KDM3B: variants seen among roughly 807,000 people sequenced by gnomAD.
KDM3B encodes lysine demethylase 3B.
KDM3B carries 10 observed loss-of-function variants against 170.0 expected under a neutral mutation model. That is an observed-to-expected ratio of 0.06 (90% confidence interval 0.04 to 0.10). The LOEUF (loss-of-function observed/expected upper bound fraction) is 0.10, where lower values mean the gene tolerates loss of function less well. KDM3B is among the 10% of genes least tolerant of loss of function. KDM3B has a pLI of 1.00. For missense variants in KDM3B, 1,394 were observed against 2,195.2 expected, an observed-to-expected ratio of 0.64 and a Z score of 7.29; for synonymous variants, 831 against 834.8, an observed-to-expected ratio of 1.00 and a Z score of 0.08.
intron 7 of KDM3B, among the ~76,000 whole-genome samples, chr5:138,388,727 A>G (rs1442130662): frequency 1.3e-5 from 2 of 151,188 alleles, no homozygotes; most frequent in African/African-American, 4.9e-5. Flanking sequence ...CAGGAGAATC[A>G]CTTGAACCTG....
At chr5:138,425,041 C>T (rs1017996763) in intron 16 of KDM3B, among the ~76,000 whole-genome samples, 2 of 152,194 alleles carry the variant, frequency 1.3e-5, no homozygotes, top group Non-Finnish European at 1.5e-5. Context: ...TGTGATAACA[C>T]TCCCTAGTTT....
chr5:138,403,844 AG>A (rs1369559585), intron 11 of KDM3B, among the ~76,000 whole-genome samples: 1 of 147,208 alleles, frequency 6.8e-6, no homozygotes, highest in Non-Finnish European at 1.5e-5. Flanking sequence ...AAAAAAAAAA[AG>A]AACTTTAATG....
chr5:138,428,834 T>C (rs1763459515), intron 20 of KDM3B, among the ~76,000 whole-genome samples: 1 of 151,966 alleles, frequency 6.6e-6, no homozygotes, highest in Non-Finnish European at 1.5e-5. Context: ...CTTCCTGCCA[T>C]CTCAGTGTTA....
intron 1 of KDM3B, among the ~76,000 whole-genome samples, chr5:138,372,206 A>G (rs1303685725): frequency 6.6e-6 from 1 of 152,258 alleles, no homozygotes; most frequent in African/African-American, 2.4e-5. Context: ...ATATGCATAC[A>G]TCACCTATTC....
chr5:138,379,020 C>T (rs1222833044), intron 4 of KDM3B, among the ~76,000 whole-genome samples: 1 of 151,976 alleles, frequency 6.6e-6, no homozygotes, highest in Non-Finnish European at 1.5e-5. Flanking sequence ...ACTCTGCGTT[C>T]CTAGGAAGAC....
At chr5:138,383,026 G>C (rs752644418) in intron 6 of KDM3B, among the ~76,000 whole-genome samples, 2 of 152,164 alleles carry the variant, frequency 1.3e-5, no homozygotes, top group Admixed American at 6.5e-5. Flanking sequence ...CGTATGAGTA[G>C]CTCACTGTAA....
At chr5:138,371,406 T>C (rs1428403451) in intron 1 of KDM3B, among the ~76,000 whole-genome samples, 1 of 147,220 alleles carries the variant, frequency 6.8e-6, no homozygotes, top group Non-Finnish European at 1.5e-5. Flanking sequence ...TAGTGAGCCA[T>C]GATTGTGCCA....
At chr5:138,408,720 A>G (rs182565416) in intron 11 of KDM3B, among the ~76,000 whole-genome samples, 1 of 152,338 alleles carries the variant, frequency 6.6e-6, no homozygotes, top group Admixed American at 6.5e-5. Context: ...AGAATAATAC[A>G]TCATGAACAA....
Position 138,432,601 on chromosome 5 carries a change from A to G in KDM3B, c.5205+1042A>G, listed in dbSNP as rs185699970. ...GGAGAATCACTTGAACCTGGGAGGC[A>G]GAGGTTGCAGTGAGCTGAGATCACG... On this transcript the variant is annotated intron_variant, in intron 23 of 23. Transcript: ENST00000314358. Among the ~76,000 whole-genome samples, 310 of 151,880 alleles carry G rather than the reference A, an allele frequency of 2.0e-3. 3 individuals carry two copies. Among genetic ancestry groups the G allele is most frequent in the South Asian group, 8.8e-3 (42 of 4,782 alleles).
intron 20 of KDM3B, 73 bp downstream of exon 20, chr5:138,428,159 C>G: frequency 7.0e-7 from 1 of 1,422,150 alleles, no homozygotes; most frequent in Non-Finnish European, 9.5e-7. Flanking sequence ...TGTTTTCATC[C>G]TTAGGGCCAG....
chr5:138,413,347 C>A (rs1356833310), intron 11 of KDM3B, among the ~76,000 whole-genome samples: 1 of 151,050 alleles, frequency 6.6e-6, no homozygotes, highest in Non-Finnish European at 1.5e-5. Flanking sequence ...CACACCACTG[C>A]ACTCCAGCCT....
rs567469682 is a variant in KDM3B, at chr5:138,436,445, T to C, written c.*745T>C. The C allele has an allele frequency of 6.6e-6, 1 of 152,370 alleles. No homozygotes were observed. The highest frequency in any genetic ancestry group is 2.1e-4 in the South Asian group (1 of 4,830). 9.4% of individuals were successfully genotyped at this position (152,370 alleles called of 1,614,324 possible). On this transcript the variant is annotated 3_prime_UTR_variant, in exon 24 of 24. Transcript: ENST00000314358. ...CGATATAAAACTCTTTGAAGAAATA[T>C]GATTTTTAGAAATCAGCTACCCATT...
intron 20 of KDM3B, among the ~76,000 whole-genome samples, chr5:138,429,316 T>C (rs903886944): frequency 1.3e-5 from 2 of 152,166 alleles, no homozygotes; most frequent in African/African-American, 4.8e-5. Context: ...CCTCTCAAAG[T>C]GCTGGGATTA....
chr5:138,416,683 A>G (rs1052667351), intron 12 of KDM3B, among the ~76,000 whole-genome samples: 1 of 152,018 alleles, frequency 6.6e-6, no homozygotes, highest in Non-Finnish European at 1.5e-5. Flanking sequence ...TTCTAAGCCA[A>G]AGGGTTTCCT....
chr5:138,397,193 G>A (rs549217298), intron 9 of KDM3B, among the ~76,000 whole-genome samples: 25 of 152,158 alleles, frequency 1.6e-4, no homozygotes, highest in Admixed American at 4.6e-4. Context: ...AAATCAGCTG[G>A]GCGTGGTGGC....
chr5:138,404,246 T>C (rs1282662092), intron 11 of KDM3B, among the ~76,000 whole-genome samples: 1 of 152,210 alleles, frequency 6.6e-6, no homozygotes, highest in East Asian at 1.9e-4. Flanking sequence ...GTGAAAATTA[T>C]GTAAACACAA....
intron 7 of KDM3B, among the ~76,000 whole-genome samples, chr5:138,387,887 C>T (rs573117408): frequency 2.0e-5 from 3 of 152,022 alleles, no homozygotes; most frequent in South Asian, 2.1e-4. Context: ...CAAGACCATC[C>T]TGGCTAACAC....
At chr5:138,397,056 C>T (rs540967696) in intron 9 of KDM3B, among the ~76,000 whole-genome samples, 8 of 152,258 alleles carry the variant, frequency 5.3e-5, no homozygotes, top group South Asian at 4.1e-4. Context: ...TTAGGCCAGG[C>T]GCAGTGGCTC....
At position 138,380,549 on chromosome 5, in the gene KDM3B, A is replaced by G. The variant is rs953072779; in HGVS notation, c.705+841A>G. Among the ~76,000 whole-genome samples the G allele has an allele frequency of 2.0e-5, 3 of 152,028 alleles. No homozygotes were observed. In the East Asian group the frequency reaches 5.8e-4, roughly 29 times the overall value. On this transcript the variant is annotated intron_variant, in intron 5 of 23. Coordinates refer to ENST00000314358, the MANE Select transcript of KDM3B (RefSeq NM_016604.4). ...TCCACTACATGGATATATCATGACT[A>G]ATCTAAAATTGATAGACATTTAAAT...
Sources: allele counts gnomAD v4.1 joint callset (sites outside exome capture counted in the v4.1 genomes callset), GRCh38; gene constraint gnomAD v4.1.1; transcripts MANE v1.5; gene names NCBI Gene and HGNC (gene_info 2026-07-23, HGNC 2026-07-21).